Variants in GTF2IRD1 observed in about 807,000 individuals in gnomAD.
The protein encoded by GTF2IRD1 is general transcription factor II-I repeat domain-containing protein 1.
GTF2IRD1 carries 26 observed loss-of-function variants against 113.2 expected under a neutral mutation model. The ratio of observed to expected loss-of-function variants is 0.23; its 90% CI spans 0.17 to 0.32. The LOEUF (loss-of-function observed/expected upper bound fraction) is 0.32, where lower values mean the gene tolerates loss of function less well. Among genes scored for constraint, GTF2IRD1 ranks in the 10% least tolerant of loss-of-function variants. GTF2IRD1 has a pLI of 1.00. For synonymous variants in GTF2IRD1, 484 were observed against 529.1 expected (o/e 0.91, Z 1.17); for missense variants, 864 against 1,280.8 (o/e 0.67, Z 4.97).
At chr7:74,540,045 G>C in intron 14 of GTF2IRD1, 77 bp downstream of exon 14, 7 of 994,204 alleles carry the variant, frequency 7.0e-6, no homozygotes, top group Non-Finnish European at 9.6e-6. Context: ...GGGCCAGGCC[G>C]TCCCCAGGTG....
chr7:74,598,894 C>T (rs587622528), intron 25 of GTF2IRD1, among the ~76,000 whole-genome samples: 2 of 152,170 alleles, frequency 1.3e-5, no homozygotes, highest in Non-Finnish European at 2.9e-5. Context: ...TCTTCTCTTT[C>T]GCAGGGTCTC....
chr7:74,544,156 G>T (rs1798792413), intron 14 of GTF2IRD1, among the ~76,000 whole-genome samples: 1 of 152,126 alleles, frequency 6.6e-6, no homozygotes. Flanking sequence ...TAAACAAATT[G>T]TCCCTTGTAT....
At chr7:74,495,238 G>C (rs557821187) in intron 1 of GTF2IRD1, among the ~76,000 whole-genome samples, 11 of 152,162 alleles carry the variant, frequency 7.2e-5, no homozygotes, top group Non-Finnish European at 1.6e-4. Context: ...GGCGGGACAG[G>C]GCCCTCCAGA....
In GTF2IRD1 at chr7:74,544,179, G is replaced by GT. The variant is rs587714877; in HGVS notation, c.1619-569dup. 2.0e-3 allele frequency among the ~76,000 whole-genome samples: 299 copies of GT among 152,214 alleles called. 9 individuals carry two copies. The South Asian group carries it at 0.027, about 14-fold the overall frequency. On this transcript the variant is annotated intron_variant, in intron 14 of 26. Coordinates refer to ENST00000424337, the MANE Select transcript of GTF2IRD1 (RefSeq NM_005685.4). ...TTGTCCCTTGTATTCTCACCTGGAAGTTTTTTTGTTTGTTTGTTTGTTTGT... is the reference window on the plus strand; with the variant it reads ...TTGTCCCTTGTATTCTCACCTGGAAGTTTTTTTTGTTTGTTTGTTTGTTTGT...
chr7:74,588,461 G>T (rs1801861306), intron 22 of GTF2IRD1, among the ~76,000 whole-genome samples: 1 of 152,002 alleles, frequency 6.6e-6, no homozygotes, highest in African/African-American at 2.4e-5. Context: ...CTTCTGTCCT[G>T]GTGGCTTCCC....
intron 11 of GTF2IRD1, 109 bp downstream of exon 11, chr7:74,536,384 C>T (rs1798299791): frequency 4.7e-6 from 3 of 640,566 alleles, no homozygotes; most frequent in Admixed American, 5.3e-5. Flanking sequence ...ACCACCACCC[C>T]TCGAAGGTGC....
At chr7:74,518,483 G>T (rs1182202050) in intron 5 of GTF2IRD1, among the ~76,000 whole-genome samples, 161 bp downstream of exon 5, 1 of 152,224 alleles carries the variant, frequency 6.6e-6, no homozygotes, top group African/African-American at 2.4e-5. Context: ...TGAAGTGAAA[G>T]CGAAGTCATA....
At chr7:74,531,620 G>A (rs1411302590) in intron 9 of GTF2IRD1, among the ~76,000 whole-genome samples, 1 of 150,894 alleles carries the variant, frequency 6.6e-6, no homozygotes, top group Admixed American at 6.6e-5. Flanking sequence ...AGTGGCTTAC[G>A]GCCTGTAATC....
At chr7:74,499,688 G>A (rs903536706) in intron 1 of GTF2IRD1, among the ~76,000 whole-genome samples, 13 of 151,420 alleles carry the variant, frequency 8.6e-5, no homozygotes, top group Admixed American at 3.3e-4. Context: ...ATGAATGAAT[G>A]CACACATGAA....
intron 1 of GTF2IRD1, among the ~76,000 whole-genome samples, chr7:74,462,440 T>A (rs987108861): frequency 2.0e-5 from 3 of 152,206 alleles, no homozygotes; most frequent in Admixed American, 2.0e-4. Flanking sequence ...AATCCTACAG[T>A]CCACAGCCTC....
chr7:74,464,015 C>T lies in GTF2IRD1; in HGVS notation c.-7+9839C>T, dbSNP rs200359134. On this transcript the variant is annotated intron_variant, in intron 1 of 26. Coordinates refer to ENST00000424337, the MANE Select transcript of GTF2IRD1 (RefSeq NM_005685.4). ...CTGGAATTACAGGTGTGAGCCACCG[C>T]GCCCTGCCCTAGGACCACTTTTACC... Among the ~76,000 whole-genome samples, 8 of 152,264 alleles carry T rather than the reference C, an allele frequency of 5.3e-5. No individual in the cohort carries two copies. In the East Asian group the frequency reaches 5.8e-4, roughly 11 times the overall value.
At chr7:74,585,598 G>A (rs1262162809) in intron 22 of GTF2IRD1, among the ~76,000 whole-genome samples, 2 of 151,986 alleles carry the variant, frequency 1.3e-5, no homozygotes, top group African/African-American at 4.8e-5. Flanking sequence ...TACTGTAGGG[G>A]AGCCTGGGCA....
chr7:74,480,772 C>G (rs1356133450), intron 1 of GTF2IRD1, among the ~76,000 whole-genome samples: 1 of 152,208 alleles, frequency 6.6e-6, no homozygotes, highest in Non-Finnish European at 1.5e-5. Context: ...GTGCCCGCCC[C>G]GGGGGACGGG....
chr7:74,591,786 T>G (rs1433242290), intron 24 of GTF2IRD1, among the ~76,000 whole-genome samples: 4 of 152,052 alleles, frequency 2.6e-5, no homozygotes, highest in African/African-American at 7.2e-5. Flanking sequence ...AGAGGTATGA[T>G]CATGGCCCAG....
chr7:74,554,506 G>A (rs587597419), intron 17 of GTF2IRD1, among the ~76,000 whole-genome samples: 5 of 152,248 alleles, frequency 3.3e-5, no homozygotes, highest in African/African-American at 4.8e-5. Context: ...GAAGCTTGGA[G>A]TTCTTGCTTC....
chr7:74,528,869 AGATG>A (rs781849655), intron 8 of GTF2IRD1, among the ~76,000 whole-genome samples: 10,282 of 101,466 alleles, frequency 0.1, 532 homozygotes, highest in East Asian at 0.17. Context: ...ATGAATGGGC[AGATG>A]GATGGATGGA....
At chr7:74,462,598 G>C (rs141326936) in intron 1 of GTF2IRD1, among the ~76,000 whole-genome samples, 1 of 152,108 alleles carries the variant, frequency 6.6e-6, no homozygotes, top group Non-Finnish European at 1.5e-5. Context: ...CTAGCAAACC[G>C]GCTTGGCCGG....
intron 1 of GTF2IRD1, among the ~76,000 whole-genome samples, chr7:74,458,830 T>A (rs1793167380): frequency 6.6e-6 from 1 of 150,394 alleles, no homozygotes; most frequent in African/African-American, 2.5e-5. Context: ...AATTTTTGTA[T>A]TTTTAGTAGA....
chr7:74,547,249 C>G lies in GTF2IRD1; in HGVS notation c.1879C>G (p.Leu627Val). The G allele has an allele frequency of 6.2e-7, 1 of 1,612,786 alleles. No homozygotes were observed. Among genetic ancestry groups the G allele is most frequent in the South Asian group, 1.1e-5 (1 of 91,048 alleles). ...CGGGATCGCCAAGCTCCGGAAGATT[C>G]TGGAGGCCAGCAACAGCATCCAGTT... Reference protein sequence around the residue: ...CFGIAKLRKILEASNSIQFVI... With the variant: ...CFGIAKLRKIVEASNSIQFVI... The change falls in exon 17 of 27, where the codon CTG becomes GTG. Residue 627 changes from leucine to valine, a missense_variant. Physicochemically the swap from Leu to Val is conservative, Grantham distance 32. This residue lies in a region of GTF2IRD1 where 195 missense variants were observed against 359.1 expected (regional missense o/e 0.54). Coordinates refer to ENST00000424337, the MANE Select transcript of GTF2IRD1 (RefSeq NM_005685.4).
Sources: allele counts gnomAD v4.1 joint callset (sites outside exome capture counted in the v4.1 genomes callset), GRCh38; gene constraint gnomAD v4.1.1; regional missense constraint gnomAD v4.1.1; transcripts MANE v1.5; gene names NCBI Gene and HGNC (gene_info 2026-07-23, HGNC 2026-07-21).